ANTXR2: variants seen among roughly 807,000 people sequenced by gnomAD.
ANTXR2 encodes anthrax toxin receptor 2.
In ANTXR2, 44 loss-of-function variants were observed where a neutral mutation model predicts 73.7. The ratio of observed to expected loss-of-function variants is 0.60; its 90% CI spans 0.47 to 0.77. ANTXR2 has a LOEUF of 0.77. ANTXR2 is among the 30% of genes least tolerant of loss of function. ANTXR2 has a pLI of 0.00. For missense variants in ANTXR2, 604 were observed against 592.5 expected, an observed-to-expected ratio of 1.02 and a Z score of -0.20; for synonymous variants, 217 against 205.9, an observed-to-expected ratio of 1.05 and a Z score of -0.46.
chr4:79,960,597 A>T (rs557541127), intron 16 of ANTXR2, among the ~76,000 whole-genome samples: 11 of 152,146 alleles, frequency 7.2e-5, no homozygotes, highest in Admixed American at 2.0e-4. Context: ...TGGTAAACAA[A>T]TGTCCAGGGG....
chr4:80,018,251 G>A (rs1375992057), intron 11 of ANTXR2, among the ~76,000 whole-genome samples: 2 of 152,006 alleles, frequency 1.3e-5, no homozygotes, highest in South Asian at 2.1e-4. Context: ...AGTGCTGCCC[G>A]TTTCCACGTG....
At chr4:79,943,627 C>G (rs1459278219) in intron 16 of ANTXR2, among the ~76,000 whole-genome samples, 1 of 114,878 alleles carries the variant, frequency 8.7e-6, no homozygotes, top group Non-Finnish European at 1.8e-5. Context: ...GGAGATATAC[C>G]TAATGCTAGA....
At chr4:80,013,981 G>A (rs987215442) in intron 11 of ANTXR2, among the ~76,000 whole-genome samples, 2 of 152,102 alleles carry the variant, frequency 1.3e-5, no homozygotes, top group Admixed American at 6.5e-5. Flanking sequence ...TGGCAGACAC[G>A]GGGAGATCAC....
chr4:79,974,312 A>C (rs1361373768), intron 16 of ANTXR2, among the ~76,000 whole-genome samples: 2 of 152,238 alleles, frequency 1.3e-5, no homozygotes. Flanking sequence ...CACACATAGA[A>C]TCATAATATG....
chr4:80,034,046 C>T (rs1732839231), intron 8 of ANTXR2, among the ~76,000 whole-genome samples: 1 of 152,078 alleles, frequency 6.6e-6, no homozygotes, highest in African/African-American at 2.4e-5. Context: ...TATGCCTGTT[C>T]CATACAGAAT....
intron 16 of ANTXR2, among the ~76,000 whole-genome samples, chr4:79,934,522 G>C (rs1213586601): frequency 7.0e-6 from 1 of 143,740 alleles, no homozygotes; most frequent in African/African-American, 2.6e-5. Context: ...GCAAGACCCT[G>C]TCTAAAACAA....
At chr4:79,981,243 G>A (rs909326346) in intron 14 of ANTXR2, among the ~76,000 whole-genome samples, 2 of 152,084 alleles carry the variant, frequency 1.3e-5, no homozygotes, top group Non-Finnish European at 2.9e-5. Context: ...TACAGGTTGA[G>A]TATAGTTCAA....
intron 16 of ANTXR2, among the ~76,000 whole-genome samples, chr4:79,933,471 TATCCACTGTA>T (rs1728135049): frequency 6.6e-6 from 1 of 152,214 alleles, no homozygotes; most frequent in African/African-American, 2.4e-5. Context: ...AGTTACCTTT[TATCCACTGTA>T]ATCTCACCAC....
intron 14 of ANTXR2, among the ~76,000 whole-genome samples, chr4:79,983,463 A>C (rs939389977): frequency 1.3e-5 from 2 of 152,290 alleles, no homozygotes; most frequent in Middle Eastern, 3.4e-3. Context: ...ATTTGTGATA[A>C]AGTCAGATCC....
chr4:79,944,201 T>C (rs1440506967), intron 16 of ANTXR2, among the ~76,000 whole-genome samples: 1 of 68,700 alleles, frequency 1.5e-5, no homozygotes, highest in African/African-American at 5.1e-5. Context: ...AGAATTCAAG[T>C]CTATTAAATG....
intron 2 of ANTXR2, among the ~76,000 whole-genome samples, chr4:80,069,763 C>T (rs1346490486): frequency 6.6e-6 from 1 of 152,162 alleles, no homozygotes; most frequent in Non-Finnish European, 1.5e-5. Context: ...GAGAGACTAA[C>T]TGGAAAGATA....
At chr4:79,990,440 T>C (rs1173739363) in intron 12 of ANTXR2, among the ~76,000 whole-genome samples, 1 of 145,264 alleles carries the variant, frequency 6.9e-6, no homozygotes, top group Non-Finnish European at 1.5e-5. Context: ...GCAAAAGCTC[T>C]GTGCAATGAG....
intron 11 of ANTXR2, among the ~76,000 whole-genome samples, chr4:80,011,964 C>G (rs985096926): frequency 1.3e-5 from 2 of 152,176 alleles, no homozygotes; most frequent in Non-Finnish European, 2.9e-5. Flanking sequence ...CCAAATATAA[C>G]TAAAATTCTA....
intron 16 of ANTXR2, among the ~76,000 whole-genome samples, chr4:79,964,025 C>CA (rs1444560397): frequency 6.6e-6 from 1 of 152,090 alleles, no homozygotes; most frequent in Non-Finnish European, 1.5e-5. Flanking sequence ...CATCCATCGG[C>CA]AAAGATTTAA....
intron 14 of ANTXR2, among the ~76,000 whole-genome samples, chr4:79,981,935 T>C (rs547622188): frequency 6.6e-6 from 1 of 152,300 alleles, no homozygotes; most frequent in South Asian, 2.1e-4. Context: ...TAAAAACTCT[T>C]GAAACTTGAA....
intron 11 of ANTXR2, among the ~76,000 whole-genome samples, chr4:80,017,844 A>G (rs1731949406): frequency 6.6e-6 from 1 of 152,194 alleles, no homozygotes; most frequent in Admixed American, 6.5e-5. Flanking sequence ...TGGGAGAAAA[A>G]AAACCCTCCC....
At chr4:79,960,524 GA>G (rs996660938) in intron 16 of ANTXR2, among the ~76,000 whole-genome samples, 6 of 151,526 alleles carry the variant, frequency 4.0e-5, no homozygotes, top group Non-Finnish European at 8.8e-5. Context: ...AGCATAAGGA[GA>G]AAAAAAACTT....
At chr4:80,015,296 A>G (rs150795396) in intron 11 of ANTXR2, among the ~76,000 whole-genome samples, 57 of 152,264 alleles carry the variant, frequency 3.7e-4, no homozygotes, top group African/African-American at 1.2e-3. Flanking sequence ...AGCCCATGAG[A>G]TTCAATATTT....
intron 16 of ANTXR2, among the ~76,000 whole-genome samples, chr4:79,956,322 A>T (rs1270714653): frequency 1.3e-5 from 2 of 152,128 alleles, no homozygotes; most frequent in Non-Finnish European, 2.9e-5. Context: ...TCAAAACTGA[A>T]ATTCAAAAGT....
Sources: gnomAD v4.1 joint callset for allele counts (sites outside exome capture counted in the v4.1 genomes callset) on GRCh38, gnomAD v4.1.1 for gene constraint, MANE v1.5 for transcripts, NCBI Gene and HGNC (gene_info 2026-07-23, HGNC 2026-07-21) for gene names.